Variants in SV2C observed in about 807,000 individuals in gnomAD.
SV2C encodes the protein solute carrier family 22 member B3.
Under a neutral mutation model 79.7 loss-of-function variants are expected in SV2C, and 49 were observed. That is an observed-to-expected ratio of 0.61 (90% CI 0.49 to 0.78). The LOEUF (loss-of-function observed/expected upper bound fraction) is 0.78. Among genes scored for constraint, SV2C ranks in the 30% least tolerant of loss-of-function variants. SV2C has a pLI of 0.00. For synonymous variants in SV2C, 334 were observed against 333.2 expected, an observed-to-expected ratio of 1.00 and a Z score of -0.03; for missense variants, 833 against 912.9, an observed-to-expected ratio of 0.91 and a Z score of 1.13.
rs570969126 is a variant in SV2C at position 76,184,733 on chromosome 5, G to C, written c.581-10186G>C. On this transcript the variant is annotated intron_variant, in intron 2 of 12. Coordinates refer to ENST00000502798, the MANE Select transcript of SV2C (RefSeq NM_014979.4). ...TCCCATGATTCAATTATCTCTGCCT[G>C]GTCCCACCCTTGACACGTGGGGATT... Among the ~76,000 whole-genome samples the C allele has an allele frequency of 5.3e-5, 8 of 152,216 alleles. No homozygotes were observed. In the East Asian group the frequency reaches 1.4e-3, roughly 26 times the overall value.
At chr5:75,912,966 G>A in the SV2C span, among the ~76,000 whole-genome samples, 1 of 152,190 alleles carries the variant, frequency 6.6e-6, no homozygotes, top group East Asian at 1.9e-4. Flanking sequence ...CAAATGGCAG[G>A]AGAGTGTATT....
chr5:76,275,103 G>A (rs367849579), intron 4 of SV2C, among the ~76,000 whole-genome samples: 13 of 152,168 alleles, frequency 8.5e-5, no homozygotes, highest in South Asian at 4.2e-4. Context: ...TAATGTTTTC[G>A]TTTAGAACCT....
chr5:75,960,962 G>C, the SV2C span, among the ~76,000 whole-genome samples: 4 of 151,850 alleles, frequency 2.6e-5, no homozygotes, highest in African/African-American at 7.2e-5. Context: ...GAATTTATCT[G>C]ATTCCTAGGA....
At chr5:75,860,994 C>T in the SV2C span, among the ~76,000 whole-genome samples, 1 of 152,094 alleles carries the variant, frequency 6.6e-6, no homozygotes, top group African/African-American at 2.4e-5. Flanking sequence ...TAGAAGAAAA[C>T]TTAGGAAACA....
Position 76,180,394 on chromosome 5 carries a change from C to G in SV2C, c.581-14525C>G, listed in dbSNP as rs76941054. ...TTTTCTGACAAGACACATAGTAGCACTTTTCTTCCAAAATAGCCCACTCTT... is the reference window on the plus strand; with the variant it reads ...TTTTCTGACAAGACACATAGTAGCAGTTTTCTTCCAAAATAGCCCACTCTT... On this transcript the variant is annotated intron_variant, in intron 2 of 12. Coordinates refer to ENST00000502798, the MANE Select transcript of SV2C (RefSeq NM_014979.4). Among the ~76,000 whole-genome samples, 396 of 152,306 alleles carry G rather than the reference C, an allele frequency of 2.6e-3. 14 individuals carry two copies. The East Asian group carries it at 0.06, about 23-fold the overall frequency.
the SV2C span, among the ~76,000 whole-genome samples, chr5:75,868,710 T>C: frequency 7.3e-5 from 11 of 151,324 alleles, no homozygotes; most frequent in Non-Finnish European, 1.5e-4. Flanking sequence ...GGAATTGGAG[T>C]TGGGGGCAGA....
downstream of SV2C, among the ~76,000 whole-genome samples, chr5:76,335,025 A>C (rs1056956235): frequency 1.3e-5 from 2 of 152,232 alleles, no homozygotes; most frequent in Middle Eastern, 3.2e-3. Context: ...TTTATATTTA[A>C]ACTTAACTAA....
chr5:76,127,672 G>T (rs1217777974), intron 1 of SV2C, among the ~76,000 whole-genome samples: 1 of 152,184 alleles, frequency 6.6e-6, no homozygotes, highest in African/African-American at 2.4e-5. Flanking sequence ...TCCTCGGCCA[G>T]CACCTTCAGA....
intron 2 of SV2C, among the ~76,000 whole-genome samples, chr5:76,149,946 A>G (rs1278263154): frequency 6.6e-6 from 1 of 152,226 alleles, no homozygotes; most frequent in African/African-American, 2.4e-5. Context: ...TCCTAGCTGC[A>G]TGAAATTAAA....
intron 1 of SV2C, among the ~76,000 whole-genome samples, chr5:76,090,073 A>G (rs889540204): frequency 1.3e-5 from 2 of 152,194 alleles, no homozygotes. Context: ...ATGTTTCCCA[A>G]GTATTTACCT....
chr5:76,303,383 C>T (rs246814), intron 12 of SV2C, among the ~76,000 whole-genome samples: 14,639 of 152,244 alleles, frequency 0.096, 737 homozygotes, highest in Admixed American at 0.14. Flanking sequence ...TTACACTATA[C>T]GTTTAAAATG....
chr5:76,201,886 C>T lies in SV2C; in HGVS notation c.761+6787C>T, dbSNP rs1181653275. 6.6e-5 allele frequency among the ~76,000 whole-genome samples: 10 copies of T among 152,006 alleles called. No homozygotes were observed. In the East Asian group the frequency reaches 1.6e-3, roughly 24 times the overall value. ...ACAAAAAATTAGCCAGGCGTGGTGG[C>T]AGGCGCCTGTAGTCCCAGCCACTCG... On this transcript the variant is annotated intron_variant, in intron 3 of 12. Transcript: ENST00000502798.
intron 1 of SV2C, among the ~76,000 whole-genome samples, chr5:76,112,504 G>A (rs1299292607): frequency 6.6e-6 from 1 of 152,170 alleles, no homozygotes; most frequent in Admixed American, 6.5e-5. Flanking sequence ...GGGATGGGGG[G>A]GAGGACCCTG....
the SV2C span, among the ~76,000 whole-genome samples, chr5:76,015,861 T>C: frequency 1.3e-5 from 2 of 152,122 alleles, no homozygotes; most frequent in African/African-American, 4.8e-5. Flanking sequence ...ACAAACTATG[T>C]ATAAAATTAT....
At chr5:75,963,150 C>A in the SV2C span, among the ~76,000 whole-genome samples, 10 of 152,212 alleles carry the variant, frequency 6.6e-5, no homozygotes, top group South Asian at 2.1e-3. Flanking sequence ...AGAGAGTGAA[C>A]GTCTTTCATA....
the SV2C span, among the ~76,000 whole-genome samples, chr5:76,058,394 A>G: frequency 0.014 from 2,073 of 152,278 alleles, 57 homozygotes; most frequent in African/African-American, 0.048. Flanking sequence ...TTCTACTGCC[A>G]GGACAACTTC....
chr5:76,096,512 T>C (rs1747565607), intron 1 of SV2C, among the ~76,000 whole-genome samples: 1 of 152,140 alleles, frequency 6.6e-6, no homozygotes, highest in African/African-American at 2.4e-5. Context: ...TTTTTTCAAG[T>C]TGCATTTTGA....
At chr5:76,293,325 A>G (rs963263232) in intron 8 of SV2C, among the ~76,000 whole-genome samples, 7 of 152,238 alleles carry the variant, frequency 4.6e-5, no homozygotes, top group African/African-American at 1.7e-4. Context: ...CCTGCTGTCA[A>G]GGTGTAAAGA....
At chr5:75,912,155 A>G in the SV2C span, among the ~76,000 whole-genome samples, 8 of 151,148 alleles carry the variant, frequency 5.3e-5, no homozygotes, top group East Asian at 1.0e-3. Flanking sequence ...AAGTGGAACT[A>G]TAATCACTAT....
Sources: allele counts gnomAD v4.1 joint callset (sites outside exome capture counted in the v4.1 genomes callset), GRCh38; gene constraint gnomAD v4.1.1; transcripts MANE v1.5; gene names NCBI Gene and HGNC (gene_info 2026-07-23, HGNC 2026-07-21).